The following ZBTB16 variants were observed in gnomAD, a reference collection of about 807,000 sequenced individuals.
ZBTB16 encodes the protein zinc finger and BTB domain-containing protein 16.
Under a neutral mutation model 56.8 loss-of-function variants are expected in ZBTB16, and 8 were observed. The ratio of observed to expected loss-of-function variants is 0.14; its 90% CI spans 0.08 to 0.25. The LOEUF is 0.25. Among genes scored for constraint, ZBTB16 ranks in the 10% least tolerant of loss-of-function variants. The pLI, the probability that ZBTB16 is intolerant of heterozygous loss-of-function variation, is 1.00. For missense variants in ZBTB16, 625 were observed against 903.0 expected, an observed-to-expected ratio of 0.69 and a Z score of 3.95; for synonymous variants, 363 against 368.5, an observed-to-expected ratio of 0.98 and a Z score of 0.17.
intron 2 of ZBTB16, among the ~76,000 whole-genome samples, chr11:114,090,684 G>C (rs1341515879): frequency 2.0e-5 from 3 of 152,180 alleles, no homozygotes; most frequent in Non-Finnish European, 4.4e-5. Flanking sequence ...CATTCTATTG[G>C]ATGCTATGTG....
chr11:114,165,088 C>G (rs1292373873), intron 3 of ZBTB16, among the ~76,000 whole-genome samples: 1 of 152,100 alleles, frequency 6.6e-6, no homozygotes, highest in Non-Finnish European at 1.5e-5. Context: ...TCCCTGCCTC[C>G]CTGTCCTAAC....
intron 3 of ZBTB16, among the ~76,000 whole-genome samples, chr11:114,176,988 G>A (rs146504602): frequency 1.1e-4 from 16 of 152,130 alleles, no homozygotes; most frequent in Non-Finnish European, 2.4e-4. Flanking sequence ...TACTTATTGC[G>A]ATTGGGCTTC....
chr11:114,186,665 CCTT>C (rs1319088352), intron 3 of ZBTB16, among the ~76,000 whole-genome samples: 28 of 152,252 alleles, frequency 1.8e-4, no homozygotes, highest in African/African-American at 6.5e-4. Context: ...TTCAGATCCT[CCTT>C]CTTCTTGAGG....
chr11:114,223,608 A>G (rs1944279387), intron 4 of ZBTB16, among the ~76,000 whole-genome samples: 1 of 152,250 alleles, frequency 6.6e-6, no homozygotes, highest in African/African-American at 2.4e-5. Context: ...ACTTAGTAGT[A>G]TATTAGGCTC....
chr11:114,174,312 G>GTTTTTTTTTT (rs11417322), intron 3 of ZBTB16, among the ~76,000 whole-genome samples: 4 of 145,880 alleles, frequency 2.7e-5, no homozygotes, highest in Non-Finnish European at 3.0e-5. Flanking sequence ...TCTGACTGAG[G>GTTTTTTTTTT]TTTTTTTTTT....
At chr11:114,119,628 T>C (rs553534451) in intron 2 of ZBTB16, among the ~76,000 whole-genome samples, 1 of 152,310 alleles carries the variant, frequency 6.6e-6, no homozygotes, top group African/African-American at 2.4e-5. Flanking sequence ...AGAAAACTTC[T>C]GTTTGGGTCT....
intron 5 of ZBTB16, among the ~76,000 whole-genome samples, chr11:114,243,657 G>A (rs766292989): frequency 5.3e-5 from 8 of 152,304 alleles, no homozygotes; most frequent in Middle Eastern, 3.4e-3. Context: ...CAGCGATTGC[G>A]TAAGCATTTC....
chr11:114,228,804 A>C (rs955393664), intron 4 of ZBTB16, among the ~76,000 whole-genome samples: 3 of 151,988 alleles, frequency 2.0e-5, no homozygotes, highest in Admixed American at 2.0e-4. Context: ...GCCCCCTTCC[A>C]CCCTCTTGTC....
intron 2 of ZBTB16, among the ~76,000 whole-genome samples, chr11:114,078,259 G>A (rs555895150): frequency 5.7e-4 from 87 of 152,310 alleles, no homozygotes; most frequent in Non-Finnish European, 1.0e-3. Context: ...TACAAGATGG[G>A]AAAGGGTGGA....
At chr11:114,124,556 C>CCAAAAAAAAAAAAAAAAAAAAA in intron 2 of ZBTB16, among the ~76,000 whole-genome samples, 1 of 79,634 alleles carries the variant, frequency 1.3e-5, no homozygotes, top group East Asian at 3.2e-4. Flanking sequence ...AAAAAAAAAA[C>CCAAAAAAAAAAAAAAAAAAAAA]CAAAAAAAAA....
At position 114,156,940 on chromosome 11, in the gene ZBTB16, C is replaced by T. The variant is rs561192817; in HGVS notation, c.1366+506C>T. Among the ~76,000 whole-genome samples, 376 of 152,132 alleles carry T rather than the reference C, an allele frequency of 2.5e-3. 1 individual carries two copies. Among genetic ancestry groups the T allele is most frequent in the Non-Finnish European group, 4.3e-3 (295 of 68,022 alleles). On this transcript the variant is annotated intron_variant, in intron 3 of 6. Transcript: ENST00000335953. ...GTTTGGGCAAAGCTGCTCTGCCCCA[C>T]GAGGCGTGGAATGGGGAGAAGCACC... is the stretch of plus-strand genomic sequence containing the variant.
At chr11:114,244,395 C>A (rs1280145717) in intron 5 of ZBTB16, among the ~76,000 whole-genome samples, 3 of 151,922 alleles carry the variant, frequency 2.0e-5, no homozygotes, top group Non-Finnish European at 4.4e-5. Flanking sequence ...GTGCACTGGG[C>A]AGGCTGGAGG....
chr11:114,190,557 C>T (rs770415626), intron 4 of ZBTB16, among the ~76,000 whole-genome samples: 17 of 152,198 alleles, frequency 1.1e-4, no homozygotes, highest in Non-Finnish European at 2.1e-4. Context: ...AATCCTAAGT[C>T]GGGGACCATT....
At chr11:114,133,272 C>T (rs1202319026) in intron 2 of ZBTB16, among the ~76,000 whole-genome samples, 2 of 152,060 alleles carry the variant, frequency 1.3e-5, no homozygotes, top group Non-Finnish European at 2.9e-5. Flanking sequence ...AAACCAGAGG[C>T]GTTGGCTCCT....
chr11:114,076,526 T>C (rs1939571465), intron 2 of ZBTB16, among the ~76,000 whole-genome samples: 1 of 152,158 alleles, frequency 6.6e-6, no homozygotes, highest in African/African-American at 2.4e-5. Context: ...GGATTGGAAA[T>C]GTTCAATGCA....
chr11:114,233,125 A>ACACACACTCT (rs1443230792), intron 4 of ZBTB16, among the ~76,000 whole-genome samples: 1 of 54,720 alleles, frequency 1.8e-5, no homozygotes, highest in African/African-American at 5.1e-5. Flanking sequence ...ACACACACAC[A>ACACACACTCT]CTCTCTCTCT....
chr11:114,167,073 G>A (rs1046367541), intron 3 of ZBTB16, among the ~76,000 whole-genome samples: 1 of 152,240 alleles, frequency 6.6e-6, no homozygotes, highest in Non-Finnish European at 1.5e-5. Context: ...AGAGAATGGG[G>A]CAGAGAACAG....
chr11:114,194,227 G>C (rs1394208082), intron 4 of ZBTB16, among the ~76,000 whole-genome samples: 1 of 152,222 alleles, frequency 6.6e-6, no homozygotes, highest in African/African-American at 2.4e-5. Context: ...TGGAGCTCAC[G>C]TGTGGCTTTG....
At chr11:114,216,525 C>T (rs930591554) in intron 4 of ZBTB16, among the ~76,000 whole-genome samples, 6 of 152,168 alleles carry the variant, frequency 3.9e-5, no homozygotes, top group Non-Finnish European at 8.8e-5. Flanking sequence ...ACACTGGTAA[C>T]CTTTTGTGGG....
Sources: allele counts gnomAD v4.1 joint callset (sites outside exome capture counted in the v4.1 genomes callset), GRCh38; gene constraint gnomAD v4.1.1; transcripts MANE v1.5; gene names NCBI Gene and HGNC (gene_info 2026-07-23, HGNC 2026-07-21).